UTS2B: variants seen among roughly 807,000 people sequenced by gnomAD.
The protein encoded by UTS2B is urotensin-2B.
In UTS2B, 21 loss-of-function variants were observed where a neutral mutation model predicts 19.2. The ratio of observed to expected loss-of-function variants is 1.09; its 90% CI spans 0.78 to 1.58. The LOEUF is 1.58. UTS2B is among the 40% of genes most tolerant of loss of function. The pLI is 0.00. For missense variants in UTS2B, 138 were observed against 130.3 expected (o/e 1.06, Z -0.29); for synonymous variants, 57 against 50.2 (o/e 1.14, Z -0.58).
the UTS2B span, among the ~76,000 whole-genome samples, chr3:191,336,733 C>A: frequency 8.1e-4 from 124 of 152,316 alleles, 3 homozygotes; most frequent in South Asian, 0.018. Flanking sequence ...TGTACTCAGA[C>A]TTATGCAATT....
intron 4 of UTS2B, among the ~76,000 whole-genome samples, chr3:191,303,406 A>G (rs1717052838): frequency 6.6e-6 from 1 of 152,218 alleles, no homozygotes; most frequent in South Asian, 2.1e-4. Context: ...TTCAGCTCCA[A>G]TCATAGCTTT....
At chr3:191,297,513 G>A (rs116222975) in intron 4 of UTS2B, among the ~76,000 whole-genome samples, 17 of 152,234 alleles carry the variant, frequency 1.1e-4, no homozygotes, top group African/African-American at 3.9e-4. Context: ...TCTCTTTTTA[G>A]GACAAAATTA....
intron 4 of UTS2B, among the ~76,000 whole-genome samples, chr3:191,293,042 A>G (rs1716761167): frequency 6.6e-6 from 1 of 151,866 alleles, no homozygotes; most frequent in South Asian, 2.1e-4. Flanking sequence ...TTATTCTGTT[A>G]ATATGTTGTA....
In UTS2B at chr3:191,283,271, T is replaced by C. The variant is rs60146690; in HGVS notation, c.-124-958A>G. 2.5e-3 allele frequency among the ~76,000 whole-genome samples: 380 copies of C among 152,342 alleles called. 6 individuals are homozygous for C. Among genetic ancestry groups the C allele is most frequent in the African/African-American group, 8.2e-3 (343 of 41,586 alleles). On this transcript the variant is annotated intron_variant, in intron 4 of 8. Transcript: ENST00000340524. ...TGTACCAGCCACATTAGACTACTAA[T>C]TCATGAATATATCCTGCACTTTCTG... is the stretch of plus-strand genomic sequence containing the variant.
At chr3:191,305,658 CTTAGT>C (rs1717117158) in intron 3 of UTS2B, among the ~76,000 whole-genome samples, 1 of 152,054 alleles carries the variant, frequency 6.6e-6, no homozygotes, top group African/African-American at 2.4e-5. Context: ...GCAGAAGCTT[CTTAGT>C]TTAATTAGAT....
intron 4 of UTS2B, among the ~76,000 whole-genome samples, chr3:191,293,058 T>C (rs1427212914): frequency 1.3e-5 from 2 of 152,196 alleles, no homozygotes; most frequent in African/African-American, 4.8e-5. Flanking sequence ...TTGTATAACA[T>C]TGATTAATTT....
chr3:191,326,293 G>C (rs75907368), intron 2 of UTS2B, among the ~76,000 whole-genome samples: 2,039 of 152,066 alleles, frequency 0.013, 52 homozygotes, highest in African/African-American at 0.047. Flanking sequence ...GGATATTAGG[G>C]AATCAAACAG....
At chr3:191,271,558 A>G (rs187106973) in intron 8 of UTS2B, among the ~76,000 whole-genome samples, 3 of 152,234 alleles carry the variant, frequency 2.0e-5, no homozygotes, top group Non-Finnish European at 2.9e-5. Context: ...TCCCAGAAAC[A>G]GTTTTTTTAC....
intron 2 of UTS2B, among the ~76,000 whole-genome samples, chr3:191,318,816 G>A (rs1424469414): frequency 6.6e-6 from 1 of 151,760 alleles, no homozygotes; most frequent in African/African-American, 2.4e-5. Context: ...GTTGTTTTTT[G>A]TTTTTGTTTT....
chr3:191,283,062 A>C (rs1424796821), intron 4 of UTS2B, among the ~76,000 whole-genome samples: 2 of 152,074 alleles, frequency 1.3e-5, no homozygotes, highest in African/African-American at 4.8e-5. Flanking sequence ...GGATGTATCC[A>C]CTCTAAAATT....
intron 2 of UTS2B, among the ~76,000 whole-genome samples, chr3:191,321,896 G>T (rs58435253): frequency 1.3e-5 from 2 of 151,976 alleles, no homozygotes; most frequent in African/African-American, 4.8e-5. Flanking sequence ...GCGTGGTGGC[G>T]GGTGCCTGTA....
At chr3:191,272,728 G>A (rs1332099536) in intron 8 of UTS2B, among the ~76,000 whole-genome samples, 1 of 151,994 alleles carries the variant, frequency 6.6e-6, no homozygotes, top group Non-Finnish European at 1.5e-5. Context: ...GGGCGTGGTG[G>A]TGCGTGCCTG....
intron 2 of UTS2B, among the ~76,000 whole-genome samples, chr3:191,320,084 C>A (rs1265514565): frequency 6.6e-6 from 1 of 151,814 alleles, no homozygotes; most frequent in Non-Finnish European, 1.5e-5. Context: ...AAGTTTCAGT[C>A]TTTGTGGTAG....
chr3:191,269,720 G>C (rs1377279483), intron 8 of UTS2B, among the ~76,000 whole-genome samples: 1 of 152,080 alleles, frequency 6.6e-6, no homozygotes, highest in African/African-American at 2.4e-5. Context: ...TGACCTCTCT[G>C]TCTTTTCAGA....
At chr3:191,332,939 A>C (rs1346492989), upstream of UTS2B, among the ~76,000 whole-genome samples, 3 of 152,196 alleles carry the variant, frequency 2.0e-5, no homozygotes, top group East Asian at 5.8e-4. Flanking sequence ...TAAGCATTAG[A>C]GCTTTACCAC....
intron 2 of UTS2B, among the ~76,000 whole-genome samples, chr3:191,318,386 T>C (rs1164305982): frequency 6.6e-6 from 1 of 152,244 alleles, no homozygotes; most frequent in Non-Finnish European, 1.5e-5. Flanking sequence ...TCCTAAACTA[T>C]AGGCCTCCTG....
chr3:191,271,647 C>T (rs1241237431), intron 8 of UTS2B, among the ~76,000 whole-genome samples: 11 of 152,296 alleles, frequency 7.2e-5, no homozygotes, highest in Non-Finnish European at 1.6e-4. Flanking sequence ...TCTGCCTCAT[C>T]TGCTCAGTTT....
chr3:191,323,613 T>C (rs1008803535), intron 2 of UTS2B, among the ~76,000 whole-genome samples: 1 of 152,176 alleles, frequency 6.6e-6, no homozygotes, highest in Non-Finnish European at 1.5e-5. Flanking sequence ...GAGTTTATAG[T>C]AGATTAGCCA....
intron 7 of UTS2B, among the ~76,000 whole-genome samples, chr3:191,275,725 T>C (rs1440838177): frequency 6.9e-6 from 1 of 145,052 alleles, no homozygotes; most frequent in African/African-American, 2.6e-5. Flanking sequence ...TGCTGCTCTC[T>C]GTTGAAGAGG....
Sources: gnomAD v4.1 joint callset for allele counts (sites outside exome capture counted in the v4.1 genomes callset) on GRCh38, gnomAD v4.1.1 for gene constraint, MANE v1.5 for transcripts, NCBI Gene and HGNC (gene_info 2026-07-23, HGNC 2026-07-21) for gene names.